KCNAB3: variants seen among roughly 807,000 people sequenced by gnomAD.
KCNAB3 encodes voltage-gated potassium channel subunit beta-3.
A neutral mutation model predicts 67.7 loss-of-function variants in KCNAB3; 62 were observed. That is an observed-to-expected ratio of 0.92 (90% CI 0.75 to 1.13). The LOEUF is 1.13. Ranked by LOEUF, KCNAB3 falls within the 50% of genes most tolerant of loss-of-function variation. The pLI, the probability that KCNAB3 is intolerant of heterozygous loss-of-function variation, is 0.00. For missense variants in KCNAB3, 514 were observed against 522.9 expected (o/e 0.98, Z 0.17); for synonymous variants, 212 against 205.4 (o/e 1.03, Z -0.27).
intron 8 of KCNAB3, chr17:7,924,861 G>C: frequency 1.7e-6 from 1 of 571,510 alleles, no homozygotes; most frequent in South Asian, 2.7e-5. Context: ...TCCTGCCTCA[G>C]CCTCCTGAAC....
chr17:7,929,475 GGGA>G lies in KCNAB3; in HGVS notation c.-43_-41del. On this transcript the variant is annotated 5_prime_UTR_variant, in exon 1 of 14. Coordinates refer to ENST00000303790, the MANE Select transcript of KCNAB3 (RefSeq NM_004732.4). The surrounding 1 kb of genome is among the most constrained non-coding windows in gnomAD (Gnocchi z 5.7). ...GCGGGGGAGGGGGCTCCGAGGGGAC[GGGA>G]GGGGGGAGCAGGGAAGCCCGAGGGC... is the stretch of plus-strand genomic sequence containing the variant. The G allele has an allele frequency of 6.5e-7, 1 of 1,535,114 alleles. No homozygotes were observed.
chr17:7,925,546 AAAAAAG>A (rs1461257830), intron 7 of KCNAB3, 131 bp downstream of exon 7: 173 of 776,224 alleles, frequency 2.2e-4, no homozygotes, highest in South Asian at 5.8e-4. Context: ...AAAAAAAAAA[AAAAAAG>A]AATTCAGACC....
rs1972089780 is a variant in KCNAB3 at position 7,923,039 on chromosome 17, T to C, written c.*63A>G. The C allele has an allele frequency of 1.3e-6, 2 of 1,504,012 alleles. No individual in the cohort carries two copies. The highest frequency in any genetic ancestry group is 1.4e-5 in the African/African-American group (1 of 72,710). The allele number at this position is 1,504,012 out of a possible 1,614,324, so 93.2% of individuals were successfully genotyped here. ...AGGGATCCGGAGCGGGAGAGGCGGC[T>C]GCGAGGAGCGGGGCTCGGGCGGGTG... On this transcript the variant is annotated 3_prime_UTR_variant, in exon 14 of 14. Transcript: ENST00000303790.
At chr17:7,925,802 T>G in intron 6 of KCNAB3, 76 bp from the exon 7 acceptor site, 1 of 1,603,130 alleles carries the variant, frequency 6.2e-7, no homozygotes, top group Admixed American at 1.7e-5. Context: ...CATAAGGAAA[T>G]GGGATTGCAC....
intron 4 of KCNAB3, among the ~76,000 whole-genome samples, chr17:7,926,933 G>A (rs1247773420): frequency 1.3e-5 from 2 of 152,122 alleles, no homozygotes; most frequent in Admixed American, 6.5e-5. Flanking sequence ...CTGGGGAGTT[G>A]GGCAAAGTTC....
intron 8 of KCNAB3, 104 bp from the exon 9 acceptor site, chr17:7,924,604 T>C (rs1232488134): frequency 2.7e-6 from 4 of 1,466,988 alleles, no homozygotes; most frequent in Non-Finnish European, 2.7e-6. Context: ...GGCAACTCTA[T>C]GGAGTCATGA....
At chr17:7,923,855 G>T (rs1972131841) in intron 11 of KCNAB3, 24 bp from the exon 12 acceptor site, 2 of 1,563,280 alleles carry the variant, frequency 1.3e-6, no homozygotes, top group Non-Finnish European at 1.7e-6. Flanking sequence ...AGAATCAACA[G>T]AAGACCCCGC....
rs1406772667 is a variant in KCNAB3 at position 7,922,819 on chromosome 17, G to A, written c.*283C>T. 3 of 523,010 alleles carry A rather than the reference G, an allele frequency of 5.7e-6. No homozygotes were observed. Among genetic ancestry groups the A allele is most frequent in the Non-Finnish European group, 1.0e-5 (3 of 287,934 alleles). The allele number at this position is 523,010 out of a possible 1,614,324, so 32.4% of individuals were successfully genotyped here. A position where few individuals can be genotyped will look rare whatever the true frequency, so the allele number is the denominator to read the frequency against. On this transcript the variant is annotated 3_prime_UTR_variant, in exon 14 of 14. Transcript: ENST00000303790. ...GGAGGAGAGTAGGGAGCGAGACGAA[G>A]TGGCAGAGAGCCGACGGCGAGTAGC... is the stretch of plus-strand genomic sequence containing the variant.
chr17:7,923,018 A>T lies in KCNAB3; in HGVS notation c.*84T>A, dbSNP rs1972087816. On this transcript the variant is annotated 3_prime_UTR_variant, in exon 14 of 14. Transcript: ENST00000303790. Reference sequence around the variant, plus strand: ...CTGGCTCCGGCCGCTGCGTGGAGGGATCCGGAGCGGGAGAGGCGGCTGCGA... The same window carrying T: ...CTGGCTCCGGCCGCTGCGTGGAGGGTTCCGGAGCGGGAGAGGCGGCTGCGA... The T allele has an allele frequency of 1.5e-6, 2 of 1,323,100 alleles. No individual in the cohort carries two copies. The highest frequency in any genetic ancestry group is 2.4e-5 in the South Asian group (2 of 84,754). The allele number at this position is 1,323,100 out of a possible 1,614,324, so 82.0% of individuals were successfully genotyped here.
rs542010996 is a variant in KCNAB3 at position 7,926,077 on chromosome 17, A to C, written c.431T>G (p.Leu144Arg). The part of the protein sequence containing the change: ...GKAERTLGNI[L>R]KSKGWRRSSY... Reference sequence around the variant, plus strand: ...GTCTCACCTCCAACCTTTGCTCTTGAGGATGTTCCCTAGGGTTCTTTCAGC... The same window carrying C: ...GTCTCACCTCCAACCTTTGCTCTTGCGGATGTTCCCTAGGGTTCTTTCAGC... Residue 144 changes from leucine to arginine, a missense_variant, in exon 5 of 14, where the codon CTC (leucine) becomes CGC (arginine). By Grantham distance (102) the Leu-to-Arg change is moderately radical. Transcript: ENST00000303790. 63 of 1,614,126 alleles carry C rather than the reference A, an allele frequency of 3.9e-5. 1 individual carries two copies. In the South Asian group the frequency reaches 6.9e-4, roughly 18 times the overall value.
Position 7,929,739 on chromosome 17 carries a change from T to A in KCNAB3, c.-304A>T. The stretch of plus-strand genomic sequence containing the variant: ...ATGAGGGTAAAGGTCGAGGATGAGG[T>A]AAAGGTCTCGGAGGATAAGGACCCA... On this transcript the variant is annotated 5_prime_UTR_variant, in exon 1 of 14. Transcript: ENST00000303790. The surrounding 1 kb of genome is among the most constrained non-coding windows in gnomAD (Gnocchi z 5.7). The A allele has an allele frequency of 8.3e-7, 1 of 1,208,160 alleles. No individual in the cohort carries two copies. 74.8% of individuals were successfully genotyped at this position (1,208,160 alleles called of 1,614,324 possible).
chr17:7,929,481 G>C lies in KCNAB3; in HGVS notation c.-46C>G, dbSNP rs1490512118. The C allele has an allele frequency of 9.1e-6, 14 of 1,540,150 alleles. No homozygotes were observed. Among genetic ancestry groups the C allele is most frequent in the Non-Finnish European group, 1.2e-5 (14 of 1,142,098 alleles). On this transcript the variant is annotated 5_prime_UTR_variant, in exon 1 of 14. Coordinates refer to ENST00000303790, the MANE Select transcript of KCNAB3 (RefSeq NM_004732.4). The surrounding 1 kb of genome is among the most constrained non-coding windows in gnomAD (Gnocchi z 5.7). ...GAGGGGGCTCCGAGGGGACGGGAGG[G>C]GGGAGCAGGGAAGCCCGAGGGCTGA...
chr17:7,923,874 C>T (rs1233953131), intron 11 of KCNAB3, 43 bp from the exon 12 acceptor site: 15 of 1,561,112 alleles, frequency 9.6e-6, no homozygotes, highest in Non-Finnish European at 1.3e-5. Flanking sequence ...GCCATCACCA[C>T]CACCACCACC....
Position 7,929,034 on chromosome 17 carries a change from G to A in KCNAB3, c.242+160C>T. On this transcript the variant is annotated intron_variant, in intron 1 of 13. Transcript: ENST00000303790. This position sits in a 1 kb window ranked among gnomAD's most constrained non-coding sequence, Gnocchi z 5.7. Reference sequence around the variant, plus strand: ...AGTCAGGGGTATCGACAGAAACCAAGAGAGGGACAAAGTGAGGGAGTGCCA... The same window carrying A: ...AGTCAGGGGTATCGACAGAAACCAAAAGAGGGACAAAGTGAGGGAGTGCCA... The A allele has an allele frequency of 8.4e-7, 1 of 1,184,496 alleles. No homozygotes were observed. Among genetic ancestry groups the A allele is most frequent in the South Asian group, 1.6e-5 (1 of 62,320 alleles). 73.4% of individuals were successfully genotyped at this position (1,184,496 alleles called of 1,614,324 possible).
At position 7,926,115 on chromosome 17, in the gene KCNAB3, A is replaced by G. The variant is rs762470528; in HGVS notation, c.405-12T>C. On this transcript the variant is annotated splice_polypyrimidine_tract_variant and intron_variant, in intron 4 of 13. Coordinates refer to ENST00000303790, the MANE Select transcript of KCNAB3 (RefSeq NM_004732.4). ...GGGTTCTTTCAGCCCTAAAAGAAAC[A>G]TAAGGCAGAGCCACTGATCCCTTCT... The G allele has an allele frequency of 3.7e-6, 6 of 1,614,036 alleles. No homozygotes were observed. The Admixed American group carries it at 6.7e-5, about 18-fold the overall frequency.
At position 7,929,151 on chromosome 17, in the gene KCNAB3, G is replaced by A. The variant is rs1197604544; in HGVS notation, c.242+43C>T. 4 of 1,604,970 alleles carry A rather than the reference G, an allele frequency of 2.5e-6. No homozygotes were observed. Among genetic ancestry groups the A allele is most frequent in the African/African-American group, 1.3e-5 (1 of 74,414 alleles). ...CATCTCAAGCAGTCTCAGGGGTCCCGAAAGGAAAGCGGAAGGGGTGGGCTG... is the reference window on the plus strand; with the variant it reads ...CATCTCAAGCAGTCTCAGGGGTCCCAAAAGGAAAGCGGAAGGGGTGGGCTG... On this transcript the variant is annotated intron_variant, in intron 1 of 13. Transcript: ENST00000303790. The surrounding 1 kb of genome is among the most constrained non-coding windows in gnomAD (Gnocchi z 5.7).
intron 6 of KCNAB3, 101 bp from the exon 7 acceptor site, chr17:7,925,827 A>T: frequency 6.3e-7 from 1 of 1,590,746 alleles, no homozygotes; most frequent in Non-Finnish European, 8.6e-7. Context: ...CTTCACAGGC[A>T]TGGTGCGGAC....
Position 7,927,053 on chromosome 17 carries a change from C to A in KCNAB3, c.404+291G>T, listed in dbSNP as rs564245874. The A allele has an allele frequency of 7.9e-6, 3 of 380,578 alleles. No individual in the cohort carries two copies. The South Asian group carries it at 8.7e-5, about 11-fold the overall frequency. 23.6% of individuals were successfully genotyped at this position (380,578 alleles called of 1,614,324 possible). On this transcript the variant is annotated intron_variant, in intron 4 of 13. Transcript: ENST00000303790. ...GGTTTTCCCTGCTCCTAGTGTGAAA[C>A]GGCATGATGTGTTTGAAAATTCATC...
At chr17:7,923,868 TC>T in intron 11 of KCNAB3, 37 bp from the exon 12 acceptor site, 1 of 1,555,134 alleles carries the variant, frequency 6.4e-7, no homozygotes, top group Non-Finnish European at 8.7e-7. Flanking sequence ...GACCCCGCCA[TC>T]ACCACCACCA....
Sources: gnomAD v4.1 joint callset for allele counts (sites outside exome capture counted in the v4.1 genomes callset) on GRCh38, gnomAD v4.1.1 for gene constraint, Gnocchi (gnomAD v3.1) non-coding constraint, MANE v1.5 for transcripts, NCBI Gene and HGNC (gene_info 2026-07-23, HGNC 2026-07-21) for gene names.